Variants in NDST4 observed in about 807,000 individuals in gnomAD.
NDST4 encodes N-deacetylase and N-sulfotransferase 4.
A neutral mutation model predicts 100.8 loss-of-function variants in NDST4; 63 were observed. That is an observed-to-expected ratio of 0.62 (90% CI 0.51 to 0.77). NDST4 has a LOEUF of 0.77. Ranked by LOEUF, NDST4 falls within the 30% of genes least tolerant of loss-of-function variation. The probability of loss-of-function intolerance (pLI) is 0.00; values close to 1 mark genes in which losing one functional copy is unlikely to be tolerated. For missense variants in NDST4, 943 were observed against 1,018.4 expected, an observed-to-expected ratio of 0.93 and a Z score of 1.01; for synonymous variants, 377 against 361.8, an observed-to-expected ratio of 1.04 and a Z score of -0.48.
At chr4:114,918,096 T>C (rs1725212029) in intron 6 of NDST4, among the ~76,000 whole-genome samples, 2 of 152,160 alleles carry the variant, frequency 1.3e-5, no homozygotes, top group African/African-American at 4.8e-5. Context: ...CAAGGTATCT[T>C]TTCCTAATGT....
intron 7 of NDST4, among the ~76,000 whole-genome samples, chr4:114,866,380 C>T (rs1407911582): frequency 2.0e-5 from 3 of 152,190 alleles, no homozygotes; most frequent in African/African-American, 7.2e-5. Flanking sequence ...ACTTCAGAGC[C>T]TATAGCTTGT....
At chr4:114,890,228 T>G (rs912004917) in intron 6 of NDST4, among the ~76,000 whole-genome samples, 1 of 152,082 alleles carries the variant, frequency 6.6e-6, no homozygotes, top group African/African-American at 2.4e-5. Context: ...TTTTGTAGAC[T>G]CCACATTTGT....
At chr4:114,945,807 T>G (rs1334047926) in intron 4 of NDST4, among the ~76,000 whole-genome samples, 1 of 152,140 alleles carries the variant, frequency 6.6e-6, no homozygotes, top group Non-Finnish European at 1.5e-5. Flanking sequence ...TCCACTGTGT[T>G]TAGGGGACTG....
chr4:115,026,312 A>C (rs1475765293), intron 2 of NDST4, among the ~76,000 whole-genome samples: 1 of 152,098 alleles, frequency 6.6e-6, no homozygotes, highest in Non-Finnish European at 1.5e-5. Context: ...TTAACATTAT[A>C]GTTAAGTATA....
intron 5 of NDST4, among the ~76,000 whole-genome samples, chr4:114,936,292 C>T (rs1725627242): frequency 6.6e-6 from 1 of 152,268 alleles, no homozygotes; most frequent in Middle Eastern, 3.4e-3. Flanking sequence ...AATAGCTTCT[C>T]TTAAATCTGA....
intron 2 of NDST4, among the ~76,000 whole-genome samples, chr4:115,064,567 C>T (rs1018225257): frequency 1.3e-5 from 2 of 152,010 alleles, no homozygotes; most frequent in Admixed American, 1.3e-4. Context: ...TTGTAATTTC[C>T]TTGTTTCATA....
At chr4:114,970,376 C>T (rs1726483652) in intron 4 of NDST4, 54 bp downstream of exon 4, 5 of 1,502,962 alleles carry the variant, frequency 3.3e-6, no homozygotes, top group Middle Eastern at 2.1e-4. Context: ...TTTACACTTC[C>T]ACCACAAGAT....
At chr4:114,903,826 A>C (rs1204370645) in intron 6 of NDST4, among the ~76,000 whole-genome samples, 2 of 152,028 alleles carry the variant, frequency 1.3e-5, no homozygotes, top group Non-Finnish European at 2.9e-5. Context: ...TTGTGATCTG[A>C]ACTCTGGCTT....
rs368930424 is a variant in NDST4 at position 115,083,755 on chromosome 4, C to G, written c.-246-6473G>C. On this transcript the variant is annotated intron_variant, in intron 1 of 13. Coordinates refer to ENST00000264363, the MANE Select transcript of NDST4 (RefSeq NM_022569.3). ...TGATGCTTTTATAAGGAGCTTCCCC[C>G]CTTTGTTCAGCACTCATTCTCTCTC... Among the ~76,000 whole-genome samples the G allele has an allele frequency of 4.6e-5, 7 of 152,182 alleles. No homozygotes were observed. In the East Asian group the frequency reaches 7.8e-4, roughly 17 times the overall value.
chr4:114,891,558 TA>T (rs985639037), intron 6 of NDST4, among the ~76,000 whole-genome samples: 21 of 152,112 alleles, frequency 1.4e-4, no homozygotes, highest in African/African-American at 5.1e-4. Flanking sequence ...TTTCTTGCCG[TA>T]ATTTCTTCCT....
chr4:114,932,666 A>C (rs1253190321), intron 6 of NDST4, among the ~76,000 whole-genome samples: 1 of 151,976 alleles, frequency 6.6e-6, no homozygotes, highest in African/African-American at 2.4e-5. Flanking sequence ...AAATCAATGT[A>C]CAAAAATAGT....
At chr4:115,050,789 T>G (rs1041206369) in intron 2 of NDST4, among the ~76,000 whole-genome samples, 6 of 152,160 alleles carry the variant, frequency 3.9e-5, no homozygotes, top group Non-Finnish European at 5.9e-5. Flanking sequence ...TATTAGTTAC[T>G]ATTTTAAGTA....
intron 7 of NDST4, 56 bp downstream of exon 7, chr4:114,870,712 A>G: frequency 1.4e-6 from 2 of 1,452,262 alleles, no homozygotes; most frequent in East Asian, 4.7e-5. Context: ...CAAATTATAC[A>G]CTCACAAATT....
intron 1 of NDST4, among the ~76,000 whole-genome samples, chr4:115,107,824 A>AT (rs1184845523): frequency 6.6e-6 from 1 of 151,894 alleles, no homozygotes; most frequent in African/African-American, 2.4e-5. Context: ...TAAAAAAGCT[A>AT]TTTTTTTCTG....
chr4:115,022,143 A>C (rs568127697), intron 2 of NDST4, among the ~76,000 whole-genome samples: 2 of 143,200 alleles, frequency 1.4e-5, no homozygotes, highest in East Asian at 2.1e-4. Context: ...TTCCACGTCT[A>C]TGCACGTTCC....
At chr4:114,841,822 T>C (rs1009000636) in intron 10 of NDST4, among the ~76,000 whole-genome samples, 1 of 152,206 alleles carries the variant, frequency 6.6e-6, no homozygotes, top group Non-Finnish European at 1.5e-5. Flanking sequence ...TGGTAGTTTA[T>C]AAATTTTGCT....
chr4:114,849,839 A>G (rs1438724109), intron 8 of NDST4, among the ~76,000 whole-genome samples: 1 of 152,216 alleles, frequency 6.6e-6, no homozygotes, highest in Non-Finnish European at 1.5e-5. Context: ...AAGTTTAGAC[A>G]GGAGAAATCT....
Position 115,076,760 on chromosome 4 carries a change from G to T in NDST4, c.277C>A (p.Gln93Lys), listed in dbSNP as rs1729194024. Residue 93 changes from glutamine to lysine, a missense_variant, in exon 2 of 14, where the codon CAA becomes AAA. By Grantham distance (53) the Gln-to-Lys change is moderately conservative (BLOSUM62 1). Around this residue, in one of 2 missense-constraint regions of NDST4, gnomAD observed 417 missense variants for 384.2 expected, o/e 1.09. Transcript: ENST00000264363. Reference protein sequence around the residue: ...FVESQYSQLGQDIIAILESSR... With the variant: ...FVESQYSQLGKDIIAILESSR... ...GACTCCAAAATAGCTATGATATCTT[G>T]ACCGAGTTGAGAGTATTGGCTCTCC... The T allele has an allele frequency of 1.2e-6, 2 of 1,613,908 alleles. No individual in the cohort carries two copies. The highest frequency in any genetic ancestry group is 1.1e-5 in the South Asian group (1 of 91,044).
At chr4:114,947,021 G>C (rs917748536) in intron 4 of NDST4, among the ~76,000 whole-genome samples, 3 of 151,962 alleles carry the variant, frequency 2.0e-5, no homozygotes, top group Non-Finnish European at 4.4e-5. Context: ...TATCAGCTGA[G>C]AGTAGGGATG....
Sources: allele counts gnomAD v4.1 joint callset (sites outside exome capture counted in the v4.1 genomes callset), GRCh38; gene constraint gnomAD v4.1.1; regional missense constraint gnomAD v4.1.1; transcripts MANE v1.5; gene names NCBI Gene and HGNC (gene_info 2026-07-23, HGNC 2026-07-21).